NOL10: variants seen among roughly 807,000 people sequenced by gnomAD.
NOL10 encodes the protein nucleolar protein 10, also known as H_NH0074G24.1.
In NOL10, 58 loss-of-function variants were observed where a neutral mutation model predicts 103.5. The ratio of observed to expected loss-of-function variants is 0.56; its 90% confidence interval spans 0.45 to 0.70. The LOEUF is 0.70. Among genes scored for constraint, NOL10 ranks in the 30% least tolerant of loss-of-function variants. The pLI, the probability that NOL10 is intolerant of heterozygous loss-of-function variation, is 0.00. For missense variants in NOL10, 763 were observed against 807.3 expected, an observed-to-expected ratio of 0.95 and a Z score of 0.67; for synonymous variants, 287 against 282.5, an observed-to-expected ratio of 1.02 and a Z score of -0.16.
chr2:10,689,060 G>A (rs1387579472), intron 1 of NOL10, among the ~76,000 whole-genome samples: 1 of 152,208 alleles, frequency 6.6e-6, no homozygotes, highest in Non-Finnish European at 1.5e-5. Context: ...TTCCACAAAA[G>A]GTAGTGCTCA....
At chr2:10,609,650 A>G (rs1676451815) in intron 13 of NOL10, among the ~76,000 whole-genome samples, 2 of 152,080 alleles carry the variant, frequency 1.3e-5, no homozygotes, top group Admixed American at 1.3e-4. Context: ...GCAAGCTAGG[A>G]AAATCACAGG....
intron 13 of NOL10, among the ~76,000 whole-genome samples, chr2:10,632,286 G>T (rs1474098135): frequency 2.0e-5 from 3 of 152,212 alleles, no homozygotes; most frequent in African/African-American, 7.2e-5. Context: ...TAGACGTAAA[G>T]AAGTAAATAA....
chr2:10,670,738 A>G (rs1441477801), intron 6 of NOL10, among the ~76,000 whole-genome samples: 1 of 152,210 alleles, frequency 6.6e-6, no homozygotes, highest in South Asian at 2.1e-4. Context: ...CCCTCTCAAA[A>G]AAAGAAAATG....
intron 4 of NOL10, among the ~76,000 whole-genome samples, chr2:10,674,740 G>A (rs1183915536): frequency 6.6e-6 from 1 of 152,218 alleles, no homozygotes; most frequent in East Asian, 1.9e-4. Context: ...AGGAGGCTGA[G>A]GCAGGAGAAT....
At chr2:10,662,211 A>G (rs964854173) in intron 9 of NOL10, among the ~76,000 whole-genome samples, 5 of 152,192 alleles carry the variant, frequency 3.3e-5, no homozygotes, top group Non-Finnish European at 2.9e-5. Flanking sequence ...AAGTTAATAT[A>G]TGTAAAGAAC....
chr2:10,574,601 G>C (rs1021084189), intron 20 of NOL10, among the ~76,000 whole-genome samples: 1 of 149,592 alleles, frequency 6.7e-6, no homozygotes, highest in African/African-American at 2.5e-5. Context: ...GAGCAGAGAT[G>C]GTGCCACTGC....
chr2:10,626,011 G>GAA (rs35889726), intron 13 of NOL10, among the ~76,000 whole-genome samples: 5 of 149,942 alleles, frequency 3.3e-5, no homozygotes, highest in African/African-American at 1.2e-4. Context: ...CTGTCTCTAT[G>GAA]AAAAAAAAAA....
chr2:10,638,306 ACGTGACGTGACGTG>A (rs1558311164), intron 13 of NOL10, among the ~76,000 whole-genome samples: 4 of 125,724 alleles, frequency 3.2e-5, no homozygotes, highest in African/African-American at 1.4e-4. Flanking sequence ...ACGTAACGTG[ACGTGACGTGACGTG>A]ACGTGACGTG....
intron 19 of NOL10, among the ~76,000 whole-genome samples, chr2:10,579,210 T>TA (rs1350828450): frequency 1.3e-5 from 2 of 152,222 alleles, no homozygotes; most frequent in Non-Finnish European, 2.9e-5. Flanking sequence ...GTGGTTAGCA[T>TA]AAAAGTGGCA....
intron 13 of NOL10, among the ~76,000 whole-genome samples, chr2:10,615,861 T>C (rs971811934): frequency 2.0e-5 from 3 of 151,984 alleles, no homozygotes; most frequent in Non-Finnish European, 4.4e-5. Flanking sequence ...AGAAGATAAT[T>C]CTCTGGAGGA....
chr2:10,571,403 TC>T lies in NOL10; in HGVS notation c.*667del, dbSNP rs1475567205. The T allele has an allele frequency of 1.3e-5, 2 of 152,452 alleles. No individual in the cohort carries two copies. Among genetic ancestry groups the T allele is most frequent in the African/African-American group, 4.8e-5 (2 of 41,454 alleles). 9.4% of individuals were successfully genotyped at this position (152,452 alleles called of 1,614,324 possible). On this transcript the variant is annotated 3_prime_UTR_variant, in exon 21 of 21. Transcript: ENST00000381685. ...AACTGTGAGTCAATTAAACCTCTTT[TC>T]TTTACTTATAAATTACCCAGTTTCA...
chr2:10,607,357 C>T (rs1378280930), intron 13 of NOL10, 46 bp from the exon 14 acceptor site: 1 of 1,543,806 alleles, frequency 6.5e-7, no homozygotes, highest in East Asian at 2.3e-5. Flanking sequence ...GTTTACCACG[C>T]CATCCAAGTC....
At position 10,589,298 on chromosome 2, in the gene NOL10, T is replaced by G; in HGVS notation, c.1597-8A>C. On this transcript the variant is annotated splice_region_variant and splice_polypyrimidine_tract_variant and intron_variant, in intron 18 of 20. Transcript: ENST00000381685. ...CGGCTCTTCCTCCTCTTCCTGAGAA[T>G]AAAAATAGTAAGCAGCAACTCCTTT... 1.9e-6 allele frequency: 3 copies of G among 1,612,546 alleles called. No individual in the cohort carries two copies. The highest frequency in any genetic ancestry group is 2.5e-6 in the Non-Finnish European group (3 of 1,179,666).
intron 2 of NOL10, among the ~76,000 whole-genome samples, chr2:10,683,058 C>T (rs992938873): frequency 1.3e-5 from 2 of 152,190 alleles, no homozygotes; most frequent in African/African-American, 4.8e-5. Context: ...GCTGGGATTA[C>T]AGGCATAAGC....
intron 2 of NOL10, among the ~76,000 whole-genome samples, chr2:10,683,796 G>A (rs1277437835): frequency 6.6e-6 from 1 of 152,178 alleles, no homozygotes; most frequent in East Asian, 1.9e-4. Flanking sequence ...AGGGGAACTG[G>A]CACAAATATG....
chr2:10,587,230 T>TATATACATATATATATAC (rs1675141961), intron 19 of NOL10, among the ~76,000 whole-genome samples: 1 of 37,456 alleles, frequency 2.7e-5, no homozygotes, highest in African/African-American at 1.6e-4. Flanking sequence ...TATATATACA[T>TATATACATATATATATAC]ATATATATAC....
chr2:10,582,518 T>C (rs781022073), intron 19 of NOL10, among the ~76,000 whole-genome samples: 17 of 152,300 alleles, frequency 1.1e-4, no homozygotes, highest in Admixed American at 2.0e-4. Context: ...TCCACTCCTA[T>C]ACCTTGCAGG....
At chr2:10,672,240 T>G (rs2148344427) in intron 5 of NOL10, among the ~76,000 whole-genome samples, 1 of 152,024 alleles carries the variant, frequency 6.6e-6, no homozygotes, top group South Asian at 2.1e-4. Context: ...GGCAGGAAAA[T>G]CGCTTGAACC....
intron 13 of NOL10, among the ~76,000 whole-genome samples, chr2:10,615,022 TA>T (rs1312971410): frequency 6.6e-6 from 1 of 152,244 alleles, no homozygotes; most frequent in Non-Finnish European, 1.5e-5. Flanking sequence ...TGAGGCTTAA[TA>T]AATGATCATA....
Sources: allele counts gnomAD v4.1 joint callset (sites outside exome capture counted in the v4.1 genomes callset), GRCh38; gene constraint gnomAD v4.1.1; transcripts MANE v1.5; gene names NCBI Gene and HGNC (gene_info 2026-07-23, HGNC 2026-07-21).